The following NCKAP5 variants were observed in gnomAD, a reference collection of about 807,000 sequenced individuals.
NCKAP5 encodes the protein NCK associated protein 5, also known as nck-associated protein 5.
Under a neutral mutation model 167.0 loss-of-function variants are expected in NCKAP5, and 92 were observed. That is an observed-to-expected ratio of 0.55 (90% CI 0.47 to 0.66). The LOEUF (loss-of-function observed/expected upper bound fraction) is 0.66. NCKAP5 is among the 30% of genes least tolerant of loss of function. The pLI is 0.00. For missense variants in NCKAP5, 2,378 were observed against 2,315.0 expected (o/e 1.03, Z -0.56); for synonymous variants, 891 against 877.4 (o/e 1.02, Z -0.27).
chr2:133,035,072 T>C (rs1195472250), intron 6 of NCKAP5, among the ~76,000 whole-genome samples: 1 of 151,978 alleles, frequency 6.6e-6, no homozygotes, highest in Non-Finnish European at 1.5e-5. Context: ...TGGAAAAAGA[T>C]ATTCCATGCC....
intron 5 of NCKAP5, among the ~76,000 whole-genome samples, chr2:133,212,331 C>A (rs11886866): frequency 0.45 from 68,139 of 151,972 alleles, 15,989 homozygotes; most frequent in Non-Finnish European, 0.51. Context: ...CCTTTATTTT[C>A]TCCCTCTTGT....
chr2:133,212,799 C>G (rs999970439), intron 5 of NCKAP5, among the ~76,000 whole-genome samples: 18 of 152,338 alleles, frequency 1.2e-4, no homozygotes, highest in African/African-American at 4.3e-4. Flanking sequence ...CCAGACCCCA[C>G]TCAACATTTG....
the NCKAP5 span, among the ~76,000 whole-genome samples, chr2:133,662,566 G>C: frequency 6.7e-6 from 1 of 148,346 alleles, no homozygotes; most frequent in East Asian, 2.2e-4. Context: ...GCACCTAAGA[G>C]AGAGTATAAA....
intron 6 of NCKAP5, among the ~76,000 whole-genome samples, chr2:133,092,981 T>C (rs542014318): frequency 3.9e-5 from 6 of 152,356 alleles, no homozygotes; most frequent in African/African-American, 1.2e-4. Flanking sequence ...TGTTTGCTTT[T>C]GCAGTTCCTG....
At chr2:133,556,463 C>T (rs1344193586) in intron 2 of NCKAP5, among the ~76,000 whole-genome samples, 5 of 152,130 alleles carry the variant, frequency 3.3e-5, no homozygotes, top group African/African-American at 9.7e-5. Flanking sequence ...AAACGCCCCA[C>T]GTGGGATTAA....
intron 8 of NCKAP5, among the ~76,000 whole-genome samples, chr2:132,879,479 C>T (rs1031013951): frequency 6.6e-6 from 1 of 152,230 alleles, no homozygotes; most frequent in African/African-American, 2.4e-5. Flanking sequence ...TGCTTTCTCG[C>T]TCCTTAGAGC....
chr2:133,176,263 C>T (rs960386003), intron 5 of NCKAP5, among the ~76,000 whole-genome samples: 1 of 152,212 alleles, frequency 6.6e-6, no homozygotes, highest in Non-Finnish European at 1.5e-5. Flanking sequence ...TGAAAAGCCA[C>T]ATCATATCAC....
chr2:133,063,978 G>T (rs2080101524), intron 6 of NCKAP5, among the ~76,000 whole-genome samples: 1 of 152,184 alleles, frequency 6.6e-6, no homozygotes, highest in African/African-American at 2.4e-5. Context: ...TGTCCATGGT[G>T]CTGCAACCCT....
At chr2:132,831,365 G>A (rs1251587764) in intron 11 of NCKAP5, among the ~76,000 whole-genome samples, 2 of 152,136 alleles carry the variant, frequency 1.3e-5, no homozygotes, top group African/African-American at 2.4e-5. Flanking sequence ...TTGTTATAAA[G>A]AGCCAAATTA....
chr2:133,308,689 C>CTTT lies in NCKAP5; in HGVS notation c.70-5582_70-5580dup, dbSNP rs35760716. Among the ~76,000 whole-genome samples the CTTT allele has an allele frequency of 2.5e-3, 149 of 59,282 alleles. 14 individuals are homozygous for CTTT. The highest frequency in any genetic ancestry group is 3.8e-3 in the Non-Finnish European group (113 of 29,632). 38.9% of individuals were successfully genotyped at this position (59,282 alleles called of 152,430 possible). On this transcript the variant is annotated intron_variant, in intron 3 of 19. Coordinates refer to ENST00000409261, the MANE Select transcript of NCKAP5 (RefSeq NM_207363.3). ...TTTTTTCGTTTGAAGAAATACAATT[C>CTTT]TTTTTTTTTTTTTTTTTTTTTTTTT...
At chr2:133,370,603 T>C (rs537570028) in intron 3 of NCKAP5, among the ~76,000 whole-genome samples, 5 of 152,068 alleles carry the variant, frequency 3.3e-5, no homozygotes, top group South Asian at 4.2e-4. Context: ...TTTCAAAGCC[T>C]AGTATAAGCA....
chr2:133,646,352 TG>T, the NCKAP5 span, among the ~76,000 whole-genome samples: 1 of 152,110 alleles, frequency 6.6e-6, no homozygotes, highest in Non-Finnish European at 1.5e-5. Flanking sequence ...AATAGTGACT[TG>T]TCACATACAA....
chr2:133,125,952 T>C (rs911470998), intron 6 of NCKAP5, among the ~76,000 whole-genome samples: 5 of 148,456 alleles, frequency 3.4e-5, no homozygotes, highest in South Asian at 2.1e-4. Flanking sequence ...GGTGGTGATA[T>C]AAAAAAAAAA....
chr2:133,632,254 A>T, the NCKAP5 span, among the ~76,000 whole-genome samples: 1 of 152,262 alleles, frequency 6.6e-6, no homozygotes, highest in African/African-American at 2.4e-5. Flanking sequence ...CATTCTGGCA[A>T]CTACATTTTT....
chr2:133,411,843 T>C (rs1483358980), intron 3 of NCKAP5, among the ~76,000 whole-genome samples: 3 of 152,196 alleles, frequency 2.0e-5, no homozygotes, highest in Non-Finnish European at 4.4e-5. Flanking sequence ...CTATTATCTT[T>C]ATTTTTCTTC....
At chr2:133,597,470 C>T in the NCKAP5 span, among the ~76,000 whole-genome samples, 7,445 of 152,006 alleles carry the variant, frequency 0.049, 265 homozygotes, top group Non-Finnish European at 0.082. Context: ...GAGACCGAGA[C>T]CATCCTGGCT....
chr2:133,130,941 C>T (rs2082580912), intron 5 of NCKAP5, among the ~76,000 whole-genome samples: 1 of 152,188 alleles, frequency 6.6e-6, no homozygotes, highest in Non-Finnish European at 1.5e-5. Flanking sequence ...ACAGGATATA[C>T]ACTCTATGAT....
At chr2:133,219,396 T>C (rs1402395652) in intron 4 of NCKAP5, among the ~76,000 whole-genome samples, 3 of 152,224 alleles carry the variant, frequency 2.0e-5, no homozygotes, top group African/African-American at 7.2e-5. Flanking sequence ...CCATGCTCCG[T>C]AATTGTTTTA....
chr2:133,173,935 G>T (rs749708536), intron 5 of NCKAP5, among the ~76,000 whole-genome samples: 2 of 152,206 alleles, frequency 1.3e-5, no homozygotes, highest in Non-Finnish European at 2.9e-5. Flanking sequence ...AATCAGGAGA[G>T]GGGATAAACA....
Sources: allele counts gnomAD v4.1 joint callset (sites outside exome capture counted in the v4.1 genomes callset), GRCh38; gene constraint gnomAD v4.1.1; transcripts MANE v1.5; gene names NCBI Gene and HGNC (gene_info 2026-07-23, HGNC 2026-07-21).